TDRD12: variants seen among roughly 807,000 people sequenced by gnomAD.
TDRD12 encodes tudor domain containing 12.
Under a neutral mutation model 133.5 loss-of-function variants are expected in TDRD12, and 158 were observed. The ratio of observed to expected loss-of-function variants is 1.18; its 90% CI spans 1.04 to 1.35. The LOEUF (loss-of-function observed/expected upper bound fraction) is 1.35, where lower values mean the gene tolerates loss of function less well. Ranked by LOEUF, TDRD12 falls within the 40% of genes most tolerant of loss-of-function variation. The probability of loss-of-function intolerance (pLI) is 0.00; values close to 1 mark genes in which losing one functional copy is unlikely to be tolerated. For missense variants in TDRD12, 1,443 were observed against 1,321.3 expected, an observed-to-expected ratio of 1.09 and a Z score of -1.43; for synonymous variants, 460 against 477.9, an observed-to-expected ratio of 0.96 and a Z score of 0.49.
chr19:32,800,463 A>G, intron 17 of TDRD12, 105 bp downstream of exon 17: 1 of 1,020,712 alleles, frequency 9.8e-7, no homozygotes, highest in Non-Finnish European at 1.4e-6. Context: ...GCTTAGTATT[A>G]AACAATTACA....
intron 20 of TDRD12, 48 bp downstream of exon 20, chr19:32,802,837 GT>G: frequency 1.3e-6 from 2 of 1,534,286 alleles, no homozygotes; most frequent in Non-Finnish European, 1.7e-6. Context: ...CATCTTCTGT[GT>G]CATGATAAGC....
Position 32,814,415 on chromosome 19 carries a change from AC to A in TDRD12, c.3141+640del, listed in dbSNP as rs1967107557. Among the ~76,000 whole-genome samples, 3 of 152,202 alleles carry A rather than the reference AC, an allele frequency of 2.0e-5. No homozygotes were observed. In the South Asian group the frequency reaches 6.2e-4, roughly 31 times the overall value. Reference sequence around the variant, plus strand: ...GATTTAACAGAGTCAATTTATAAAAACTTTTGCTGAATGTTATTTTTATGAG... The same window carrying A: ...GATTTAACAGAGTCAATTTATAAAAATTTTGCTGAATGTTATTTTTATGAG... On this transcript the variant is annotated intron_variant, in intron 25 of 27. Transcript: ENST00000444215.
At chr19:32,738,099 C>T (rs904529628) in intron 2 of TDRD12, among the ~76,000 whole-genome samples, 2 of 151,794 alleles carry the variant, frequency 1.3e-5, no homozygotes, top group Admixed American at 6.6e-5. Context: ...GTCGCACCAT[C>T]GCACTCCAGC....
At chr19:32,823,549 G>C (rs1183384700), downstream of TDRD12, among the ~76,000 whole-genome samples, 2 of 152,160 alleles carry the variant, frequency 1.3e-5, no homozygotes, top group East Asian at 3.8e-4. Flanking sequence ...TGCAGGTGAG[G>C]AGAAAGGATC....
intron 22 of TDRD12, among the ~76,000 whole-genome samples, chr19:32,809,112 T>C (rs1367478648): frequency 3.9e-5 from 6 of 152,164 alleles, no homozygotes; most frequent in Admixed American, 3.9e-4. Context: ...ATTTCTGTTT[T>C]TTATGTGCTG....
intron 1 of TDRD12, among the ~76,000 whole-genome samples, chr19:32,727,374 T>A (rs1968894616): frequency 6.6e-6 from 1 of 152,228 alleles, no homozygotes; most frequent in Admixed American, 6.5e-5. Flanking sequence ...TAATCCCTTA[T>A]GAGATATAAG....
chr19:32,742,342 T>C (rs1969455012), intron 3 of TDRD12, among the ~76,000 whole-genome samples: 1 of 151,956 alleles, frequency 6.6e-6, no homozygotes, highest in Non-Finnish European at 1.5e-5. Context: ...AGTTTTAGTA[T>C]AAGAGACAGG....
At chr19:32,771,859 C>A (rs1322178647) in intron 8 of TDRD12, among the ~76,000 whole-genome samples, 2 of 152,178 alleles carry the variant, frequency 1.3e-5, no homozygotes, top group Non-Finnish European at 2.9e-5. Context: ...ATTTCTAGTG[C>A]TGCTGCTTAT....
At chr19:32,822,129 C>CA (rs899372791), downstream of TDRD12, among the ~76,000 whole-genome samples, 1 of 150,178 alleles carries the variant, frequency 6.7e-6, no homozygotes, top group Non-Finnish European at 1.5e-5. Context: ...AAACAAAAAA[C>CA]AAAAACAAAA....
At chr19:32,803,942 G>A (rs535012701) in intron 21 of TDRD12, among the ~76,000 whole-genome samples, 1 of 152,184 alleles carries the variant, frequency 6.6e-6, no homozygotes, top group Non-Finnish European at 1.5e-5. Context: ...GTCGGGGGGA[G>A]TAGCTTATAT....
intron 10 of TDRD12, among the ~76,000 whole-genome samples, chr19:32,774,754 G>T (rs1405371784): frequency 6.6e-6 from 1 of 152,158 alleles, no homozygotes; most frequent in Non-Finnish European, 1.5e-5. Flanking sequence ...GCCAAGGTGG[G>T]CAGACCTCAC....
chr19:32,739,069 G>C (rs1443164147), intron 3 of TDRD12, 77 bp downstream of exon 3: 1 of 1,509,510 alleles, frequency 6.6e-7, no homozygotes, highest in Non-Finnish European at 8.9e-7. Flanking sequence ...CCATTTTAAA[G>C]TACGGGGCTA....
intron 11 of TDRD12, among the ~76,000 whole-genome samples, chr19:32,779,526 AG>A (rs1970701370): frequency 2.0e-5 from 3 of 152,122 alleles, no homozygotes; most frequent in African/African-American, 7.2e-5. Context: ...TGGGTAGCAG[AG>A]GAAGTGGCGG....
At chr19:32,825,508 A>T (rs1432160658), downstream of TDRD12, among the ~76,000 whole-genome samples, 1 of 152,226 alleles carries the variant, frequency 6.6e-6, no homozygotes, top group Non-Finnish European at 1.5e-5. The surrounding 1 kb of genome is among the most constrained non-coding windows in gnomAD (Gnocchi z 4.1). Flanking sequence ...AGCCACTGCA[A>T]TGAGGTTCTT....
chr19:32,816,991 G>A (rs1324930539), intron 26 of TDRD12, among the ~76,000 whole-genome samples: 1 of 152,156 alleles, frequency 6.6e-6, no homozygotes, highest in Non-Finnish European at 1.5e-5. Flanking sequence ...GGGAATGAGA[G>A]AAGGAAGGAA....
chr19:32,755,847 A>G (rs561945363), intron 6 of TDRD12, 145 bp from the exon 7 acceptor site: 1 of 581,190 alleles, frequency 1.7e-6, no homozygotes. Flanking sequence ...TTACCAGAGC[A>G]GGAGTCAAAT....
intron 4 of TDRD12, among the ~76,000 whole-genome samples, chr19:32,744,578 T>C (rs184039424): frequency 6.7e-6 from 1 of 149,922 alleles, no homozygotes; most frequent in African/African-American, 2.5e-5. Flanking sequence ...GGCATATATA[T>C]ATACGTGTGC....
chr19:32,773,476 C>G lies in TDRD12; in HGVS notation c.984C>G (p.Tyr328Ter). ...TACAGCGTGTTGAATCCTCAGTGTA[C>G]TGGCCAGCAAAAAGAGGCATAACCA... is the stretch of plus-strand genomic sequence containing the variant. Residue 328 changes from tyrosine to a stop codon, truncating the protein, a stop_gained, in exon 10 of 28, where the codon TAC becomes TAG. Transcript: ENST00000444215. LOFTEE classifies it high-confidence loss of function. 1 of 1,551,738 alleles carries G rather than the reference C, an allele frequency of 6.4e-7. No homozygotes were observed. Among genetic ancestry groups the G allele is most frequent in the Non-Finnish European group, 8.7e-7 (1 of 1,146,982 alleles).
rs375066839 is a variant in TDRD12, at chr19:32,794,137, G to A, written c.1288-491G>A. ...TTTTTTTTTTTTGAGATGGAGTCTC[G>A]CTCTGTCACCCAGGCTGGAGTGCAG... On this transcript the variant is annotated intron_variant, in intron 13 of 27. Coordinates refer to ENST00000444215, the Ensembl canonical transcript of TDRD12. Among the ~76,000 whole-genome samples, 169 of 104,338 alleles carry A rather than the reference G, an allele frequency of 1.6e-3. 2 individuals are homozygous for A. The highest frequency in any genetic ancestry group is 0.013 in the Middle Eastern group (1 of 78). 68.4% of individuals were successfully genotyped at this position (104,338 alleles called of 152,430 possible). A position where few individuals can be genotyped will look rare whatever the true frequency, so the allele number is the denominator to read the frequency against.
Sources: gnomAD v4.1 joint callset for allele counts (sites outside exome capture counted in the v4.1 genomes callset) on GRCh38, gnomAD v4.1.1 for gene constraint, Gnocchi (gnomAD v3.1) non-coding constraint, MANE v1.5 for transcripts, NCBI Gene and HGNC (gene_info 2026-07-23, HGNC 2026-07-21) for gene names.